The following OR2L13 variants were observed in gnomAD, a reference collection of about 807,000 sequenced individuals.
OR2L13 encodes the protein olfactory receptor family 2 subfamily L member 13, also known as olfactory receptor 2L13.
Under a neutral mutation model 15.3 loss-of-function variants are expected in OR2L13, and 14 were observed. That is an observed-to-expected ratio of 0.91 (90% CI 0.60 to 1.43). The LOEUF (loss-of-function observed/expected upper bound fraction) is 1.43, where lower values mean the gene tolerates loss of function less well. Among genes scored for constraint, OR2L13 ranks in the 40% most tolerant of loss-of-function variants. OR2L13 has a pLI of 0.00. For synonymous variants in OR2L13, 152 were observed against 142.9 expected (o/e 1.06, Z -0.45); for missense variants, 367 against 387.9 (o/e 0.95, Z 0.45).
chr1:248,070,597 C>A, the OR2L13 span, among the ~76,000 whole-genome samples: 2 of 152,046 alleles, frequency 1.3e-5, no homozygotes, highest in Non-Finnish European at 2.9e-5. Context: ...GATTCAAACG[C>A]TAGCAGAAGG....
At chr1:248,003,073 T>C in the OR2L13 span, 2 of 868,908 alleles carry the variant, frequency 2.3e-6, no homozygotes, top group Non-Finnish European at 3.8e-6. Flanking sequence ...CGGATAAGGA[T>C]GAATTTCTGT....
chr1:247,999,128 C>A, the OR2L13 span, among the ~76,000 whole-genome samples: 34 of 152,202 alleles, frequency 2.2e-4, no homozygotes, highest in African/African-American at 7.9e-4. Flanking sequence ...GGATTCTTCC[C>A]CCTGTTGTAA....
the OR2L13 span, chr1:248,061,511 A>T: frequency 6.2e-7 from 1 of 1,613,856 alleles, no homozygotes; most frequent in South Asian, 1.1e-5. Flanking sequence ...GCTGTCTTCT[A>T]CACCACCCTC....
chr1:248,009,413 G>T, the OR2L13 span, among the ~76,000 whole-genome samples: 3 of 152,100 alleles, frequency 2.0e-5, no homozygotes, highest in Non-Finnish European at 4.4e-5. Flanking sequence ...AAATAAACTA[G>T]AAAATCTAGA....
chr1:248,023,371 A>G, the OR2L13 span: 2 of 152,548 alleles, frequency 1.3e-5, no homozygotes, highest in South Asian at 4.1e-4. Context: ...ATAAATAAGT[A>G]TGTCTGGGGT....
chr1:248,018,278 T>C, the OR2L13 span, among the ~76,000 whole-genome samples: 1 of 152,202 alleles, frequency 6.6e-6, no homozygotes, highest in Admixed American at 6.5e-5. Flanking sequence ...TTTTCCTTTT[T>C]TAAAAATTAG....
At chr1:247,984,105 C>T in the OR2L13 span, among the ~76,000 whole-genome samples, 1 of 152,236 alleles carries the variant, frequency 6.6e-6, no homozygotes, top group Non-Finnish European at 1.5e-5. Flanking sequence ...GTCTCTAGAA[C>T]TTCTAAGTAA....
chr1:248,083,423 G>A, the OR2L13 span: 9 of 522,922 alleles, frequency 1.7e-5, no homozygotes, highest in South Asian at 5.1e-5. Context: ...AGGATACAAA[G>A]TAATATATAG....
chr1:248,021,986 A>G, the OR2L13 span: 1 of 1,613,732 alleles, frequency 6.2e-7, no homozygotes, highest in Non-Finnish European at 8.5e-7. Context: ...ATTTCATCTT[A>G]TTGGGGCTGT....
At chr1:248,042,540 AAAAAACAAAAAAC>A in the OR2L13 span, among the ~76,000 whole-genome samples, 1 of 152,036 alleles carries the variant, frequency 6.6e-6, no homozygotes, top group Non-Finnish European at 1.5e-5. Context: ...ATAAATTGCA[AAAAAACAAAAAAC>A]AAAAACAAAC....
At chr1:248,072,089 G>A in the OR2L13 span, among the ~76,000 whole-genome samples, 1 of 151,528 alleles carries the variant, frequency 6.6e-6, no homozygotes, top group South Asian at 2.1e-4. Context: ...TCCCCATCAA[G>A]CTACCAATGA....
the OR2L13 span, among the ~76,000 whole-genome samples, chr1:247,978,366 G>A: frequency 2.0e-5 from 3 of 152,056 alleles, no homozygotes; most frequent in Non-Finnish European, 4.4e-5. Context: ...CTCCTCCCTT[G>A]GTCTCCCCAT....
At chr1:247,967,945 C>T in the OR2L13 span, among the ~76,000 whole-genome samples, 1 of 151,422 alleles carries the variant, frequency 6.6e-6, no homozygotes, top group Non-Finnish European at 1.5e-5. Context: ...TTTCTTTCTT[C>T]TTTTTCTCCT....
the OR2L13 span, chr1:247,965,692 G>A: frequency 6.4e-7 from 1 of 1,554,632 alleles, no homozygotes; most frequent in East Asian, 2.3e-5. Context: ...TGTGTTCTTG[G>A]CCCTTGGTGG....
At chr1:248,026,489 G>C in the OR2L13 span, among the ~76,000 whole-genome samples, 1 of 152,200 alleles carries the variant, frequency 6.6e-6, no homozygotes, top group African/African-American at 2.4e-5. Context: ...TATGATTGTA[G>C]CCTTCCAGTG....
the OR2L13 span, chr1:248,045,962 C>G: frequency 1.3e-5 from 2 of 152,036 alleles, no homozygotes; most frequent in Non-Finnish European, 2.9e-5. Context: ...ATTTATCAAT[C>G]AATACATGTT....
chr1:248,007,733 G>T, the OR2L13 span, among the ~76,000 whole-genome samples: 1 of 152,038 alleles, frequency 6.6e-6, no homozygotes, highest in Non-Finnish European at 1.5e-5. Flanking sequence ...CCTGTCTTTG[G>T]AACAGAAGAT....
At chr1:247,940,330 A>G in the OR2L13 span, among the ~76,000 whole-genome samples, 1 of 152,188 alleles carries the variant, frequency 6.6e-6, no homozygotes, top group Non-Finnish European at 1.5e-5. Flanking sequence ...AAATGTTTCT[A>G]TTAGGAATAC....
the OR2L13 span, among the ~76,000 whole-genome samples, chr1:248,045,000 C>A: frequency 6.6e-6 from 1 of 152,090 alleles, no homozygotes. Context: ...GGGCCTGTAA[C>A]AATCCTCCTG....
Sources: gnomAD v4.1 joint callset for allele counts (sites outside exome capture counted in the v4.1 genomes callset) on GRCh38, gnomAD v4.1.1 for gene constraint, MANE v1.5 for transcripts, NCBI Gene and HGNC (gene_info 2026-07-23, HGNC 2026-07-21) for gene names.